The following SFMBT1 variants were observed in gnomAD, a reference collection of about 807,000 sequenced individuals.
The protein encoded by SFMBT1 is scm-like with four MBT domains protein 1.
A neutral mutation model predicts 108.7 loss-of-function variants in SFMBT1; 32 were observed. The ratio of observed to expected loss-of-function variants is 0.29; its 90% confidence interval spans 0.22 to 0.40. The LOEUF (loss-of-function observed/expected upper bound fraction) is 0.40, where lower values mean the gene tolerates loss of function less well. SFMBT1 is among the 10% of genes least tolerant of loss of function. The pLI is 1.00. For missense variants in SFMBT1, 816 were observed against 1,059.6 expected (o/e 0.77, Z 3.19); for synonymous variants, 348 against 369.5 (o/e 0.94, Z 0.67).
intron 20 of SFMBT1, among the ~76,000 whole-genome samples, 158 bp downstream of exon 20, chr3:52,905,955 C>CT (rs1326158597): frequency 7.9e-5 from 12 of 152,140 alleles, no homozygotes; most frequent in Non-Finnish European, 1.8e-4. Context: ...TGATAAATAA[C>CT]TTTTTATCAT....
intron 1 of SFMBT1, among the ~76,000 whole-genome samples, chr3:53,000,392 T>A (rs1698505010): frequency 6.7e-6 from 1 of 149,728 alleles, no homozygotes; most frequent in Non-Finnish European, 1.5e-5. Context: ...AACAAACTGA[T>A]ATTTGGAATT....
At chr3:52,982,536 C>A (rs2581819) in intron 1 of SFMBT1, among the ~76,000 whole-genome samples, 92,169 of 151,558 alleles carry the variant, frequency 0.61, 28,342 homozygotes, top group Middle Eastern at 0.68. Context: ...CCAGACAGGC[C>A]TGGCCAACAA....
Position 52,913,515 on chromosome 3 carries a change from C to G in SFMBT1, c.1583G>C (p.Cys528Ser), listed in dbSNP as rs1431148341. ...CAGAACACAGTTCCCAGGTCCTACA[C>G]ATTGAGGCAGCTCAGCAATTCTTCC... Reference protein sequence around the residue: ...NKGRIAELPQCVGPGNCVLVL... With the variant: ...NKGRIAELPQSVGPGNCVLVL... Residue 528 changes from cysteine to serine, a missense_variant, in exon 15 of 21, where the codon TGT becomes TCT. Cys to Ser is a moderately radical substitution (Grantham distance 112, BLOSUM62 -1). This residue lies in a region of SFMBT1 where 16 missense variants were observed against 57.5 expected (regional missense o/e 0.28). Transcript: ENST00000394752. The G allele has an allele frequency of 6.2e-7, 1 of 1,614,076 alleles. No individual in the cohort carries two copies.
chr3:52,983,800 T>C (rs1704808641), intron 1 of SFMBT1, among the ~76,000 whole-genome samples: 1 of 152,204 alleles, frequency 6.6e-6, no homozygotes, highest in Non-Finnish European at 1.5e-5. Flanking sequence ...CAGGAAGCTA[T>C]CAGGGAGTCA....
chr3:52,981,287 A>G (rs1704701731), intron 1 of SFMBT1, among the ~76,000 whole-genome samples: 2 of 152,186 alleles, frequency 1.3e-5, no homozygotes, highest in African/African-American at 4.8e-5. Flanking sequence ...GCTTCTGCTG[A>G]CCAATAGGCA....
chr3:52,968,784 G>A (rs1036601519), intron 2 of SFMBT1, among the ~76,000 whole-genome samples: 11 of 151,872 alleles, frequency 7.2e-5, no homozygotes, highest in African/African-American at 2.2e-4. Flanking sequence ...TAGTAGAGAC[G>A]GGGTTTCACC....
chr3:53,015,553 T>C lies in SFMBT1; in HGVS notation c.-131+30263A>G, dbSNP rs138752194. ...ACCCAAATGTTCATCAACTGATGAG[T>C]AGATAAATAAGATGTGACATAGCCA... On this transcript the variant is annotated intron_variant, in intron 1 of 20. Coordinates refer to ENST00000394752, the MANE Select transcript of SFMBT1 (RefSeq NM_016329.4). Among the ~76,000 whole-genome samples the C allele has an allele frequency of 1.9e-3, 292 of 152,222 alleles. 1 individual carries two copies. The highest frequency in any genetic ancestry group is 6.1e-3 in the African/African-American group (255 of 41,536).
chr3:53,045,386 A>G (rs929155118), intron 1 of SFMBT1: 1 of 131,032 alleles, frequency 7.6e-6, no homozygotes, highest in Non-Finnish European at 1.6e-5. Context: ...GCGCGCGGGG[A>G]GGGGCGCGCG....
chr3:52,913,338 T>C, intron 15 of SFMBT1, 140 bp downstream of exon 15: 1 of 1,045,088 alleles, frequency 9.6e-7, no homozygotes, highest in Non-Finnish European at 1.3e-6. Flanking sequence ...CCCTCTTCAC[T>C]GTCCAAAACA....
At chr3:52,965,063 A>G (rs149006583) in intron 2 of SFMBT1, among the ~76,000 whole-genome samples, 31 of 152,300 alleles carry the variant, frequency 2.0e-4, no homozygotes, top group African/African-American at 6.0e-4. Context: ...GGCAGAGAAC[A>G]AGCTAAAAAG....
chr3:53,015,531 C>T (rs1035375046), intron 1 of SFMBT1, among the ~76,000 whole-genome samples: 1 of 152,092 alleles, frequency 6.6e-6, no homozygotes, highest in Non-Finnish European at 1.5e-5. Context: ...ACAAACAACC[C>T]AAATGTTCAT....
At chr3:53,006,490 G>A (rs1474686693) in intron 1 of SFMBT1, among the ~76,000 whole-genome samples, 5 of 152,144 alleles carry the variant, frequency 3.3e-5, no homozygotes, top group South Asian at 4.2e-4. Flanking sequence ...TCAGCCGGGC[G>A]TGTTGGCACG....
intron 8 of SFMBT1, among the ~76,000 whole-genome samples, chr3:52,929,297 T>C (rs1469034440): frequency 1.3e-5 from 2 of 152,166 alleles, no homozygotes; most frequent in African/African-American, 2.4e-5. Flanking sequence ...TGGAGTGCAA[T>C]GGCACAATCT....
chr3:52,982,726 T>A (rs1421339805), intron 1 of SFMBT1, among the ~76,000 whole-genome samples: 2 of 25,820 alleles, frequency 7.7e-5, no homozygotes, highest in Non-Finnish European at 1.4e-4. Flanking sequence ...AAGACTCCCA[T>A]CTCAAAAAAA....
At chr3:52,964,038 G>C (rs950501270) in intron 2 of SFMBT1, among the ~76,000 whole-genome samples, 4 of 152,068 alleles carry the variant, frequency 2.6e-5, no homozygotes, top group Non-Finnish European at 1.5e-5. Context: ...GTTTTTTTGA[G>C]ATAGAGTTTC....
intron 1 of SFMBT1, among the ~76,000 whole-genome samples, chr3:53,031,282 T>C (rs919446802): frequency 5.3e-5 from 8 of 152,150 alleles, no homozygotes; most frequent in African/African-American, 1.9e-4. Flanking sequence ...GCAAAGGAAG[T>C]GGAGCTGCCC....
At chr3:52,913,164 C>T (rs766101737) in intron 15 of SFMBT1, among the ~76,000 whole-genome samples, 4 of 152,208 alleles carry the variant, frequency 2.6e-5, no homozygotes, top group Admixed American at 1.3e-4. Flanking sequence ...TAGGTTAATG[C>T]CACATAGCCA....
chr3:52,953,590 G>A (rs978922347), intron 3 of SFMBT1, among the ~76,000 whole-genome samples: 1 of 152,154 alleles, frequency 6.6e-6, no homozygotes, highest in Middle Eastern at 3.2e-3. Context: ...AGGCTGCACA[G>A]GCCACTAATA....
At chr3:52,956,770 A>T (rs958334556) in intron 2 of SFMBT1, among the ~76,000 whole-genome samples, 4 of 152,168 alleles carry the variant, frequency 2.6e-5, no homozygotes, top group Non-Finnish European at 5.9e-5. Context: ...CAAAAAATCA[A>T]TAAATAAAAT....
Sources: gnomAD v4.1 joint callset for allele counts (sites outside exome capture counted in the v4.1 genomes callset) on GRCh38, gnomAD v4.1.1 for gene constraint, gnomAD v4.1.1 regional missense constraint, MANE v1.5 for transcripts, NCBI Gene and HGNC (gene_info 2026-07-23, HGNC 2026-07-21) for gene names.